The following RABGAP1L variants were observed in gnomAD, a reference collection of about 807,000 sequenced individuals.
RABGAP1L encodes RAB GTPase activating protein 1 like, also known as rab GTPase-activating protein 1-like.
RABGAP1L carries 63 observed loss-of-function variants against 137.7 expected under a neutral mutation model. The ratio of observed to expected loss-of-function variants is 0.46; its 90% CI spans 0.37 to 0.56. RABGAP1L has a LOEUF of 0.56. RABGAP1L is among the 20% of genes least tolerant of loss of function. The pLI is 0.00. For missense variants in RABGAP1L, 1,095 were observed against 1,244.0 expected, an observed-to-expected ratio of 0.88 and a Z score of 1.80; for synonymous variants, 431 against 433.7, an observed-to-expected ratio of 0.99 and a Z score of 0.08.
At chr1:174,218,045 C>T (rs1020232787) in intron 1 of RABGAP1L, among the ~76,000 whole-genome samples, 4 of 152,048 alleles carry the variant, frequency 2.6e-5, no homozygotes, top group African/African-American at 9.7e-5. Flanking sequence ...GTTCTTTAGC[C>T]CTAGCCTGCT....
At chr1:174,384,078 A>G (rs962820278) in intron 12 of RABGAP1L, among the ~76,000 whole-genome samples, 10 of 152,232 alleles carry the variant, frequency 6.6e-5, no homozygotes, top group Non-Finnish European at 1.5e-4. Flanking sequence ...TATTCATTGT[A>G]TGGAATGCTA....
intron 13 of RABGAP1L, among the ~76,000 whole-genome samples, chr1:174,628,788 C>A (rs1464303197): frequency 1.3e-5 from 2 of 151,736 alleles, no homozygotes; most frequent in Admixed American, 6.6e-5. Context: ...AGTGGCTGCC[C>A]TAAAGGAATG....
intron 13 of RABGAP1L, among the ~76,000 whole-genome samples, chr1:174,477,569 C>T (rs563569183): frequency 6.6e-6 from 1 of 152,230 alleles, no homozygotes; most frequent in South Asian, 2.1e-4. Flanking sequence ...GCATTGTTTT[C>T]AAAGTCAAGG....
chr1:174,277,302 C>T (rs1205981478), intron 9 of RABGAP1L, among the ~76,000 whole-genome samples: 1 of 151,884 alleles, frequency 6.6e-6, no homozygotes, highest in Non-Finnish European at 1.5e-5. Context: ...CTTGCAAATA[C>T]CTGTAACTTC....
At chr1:174,307,160 A>T (rs1400430832) in intron 11 of RABGAP1L, among the ~76,000 whole-genome samples, 2 of 152,172 alleles carry the variant, frequency 1.3e-5, no homozygotes, top group African/African-American at 4.8e-5. Context: ...TGCTAAGCTC[A>T]CTCAGCTTAA....
At chr1:174,314,984 T>A (rs953679713) in intron 11 of RABGAP1L, among the ~76,000 whole-genome samples, 1 of 152,194 alleles carries the variant, frequency 6.6e-6, no homozygotes, top group Non-Finnish European at 1.5e-5. Flanking sequence ...GATGAAATAT[T>A]CTGTAAATAT....
intron 19 of RABGAP1L, among the ~76,000 whole-genome samples, chr1:174,847,125 G>T (rs1694141997): frequency 6.8e-6 from 1 of 146,598 alleles, no homozygotes; most frequent in East Asian, 2.0e-4. Flanking sequence ...GTGTGTCTCT[G>T]CACGTGAGAT....
At chr1:174,179,582 A>G (rs1055087244) in intron 1 of RABGAP1L, among the ~76,000 whole-genome samples, 2 of 144,074 alleles carry the variant, frequency 1.4e-5, no homozygotes, top group Non-Finnish European at 3.0e-5. Context: ...ACACACACAC[A>G]CTTTTTAACT....
intron 10 of RABGAP1L, among the ~76,000 whole-genome samples, chr1:174,292,214 A>G (rs1195871365): frequency 6.8e-6 from 1 of 147,670 alleles, no homozygotes; most frequent in Non-Finnish European, 1.5e-5. Context: ...TTATTTTTGT[A>G]TGGATGGGGT....
chr1:174,197,491 A>T (rs1667779382), intron 1 of RABGAP1L, among the ~76,000 whole-genome samples: 1 of 152,104 alleles, frequency 6.6e-6, no homozygotes, highest in African/African-American at 2.4e-5. Context: ...AAAACCATAG[A>T]ATTTGTTTCC....
intron 19 of RABGAP1L, among the ~76,000 whole-genome samples, chr1:174,881,986 T>C (rs1573644458): frequency 6.6e-6 from 1 of 152,034 alleles, no homozygotes; most frequent in Admixed American, 6.6e-5. Context: ...CTCAGCCTCC[T>C]GAGTATCTGG....
chr1:174,951,701 G>A (rs988421816), intron 19 of RABGAP1L, among the ~76,000 whole-genome samples: 4 of 152,126 alleles, frequency 2.6e-5, no homozygotes, highest in Admixed American at 1.3e-4. Flanking sequence ...AGAAAGGTTT[G>A]TAGGCATCCT....
intron 21 of RABGAP1L, 53 bp from the exon 22 acceptor site, chr1:174,976,025 C>CTTTA: frequency 6.9e-7 from 1 of 1,453,150 alleles, no homozygotes; most frequent in Non-Finnish European, 9.4e-7. Context: ...CACACACTTT[C>CTTTA]TTTACCCTCT....
At chr1:174,162,677 T>C (rs1190300837) in intron 1 of RABGAP1L, among the ~76,000 whole-genome samples, 2 of 151,824 alleles carry the variant, frequency 1.3e-5, no homozygotes, top group Non-Finnish European at 2.9e-5. Flanking sequence ...TTTATAACTC[T>C]TGACTTATAT....
chr1:174,811,945 G>T lies in RABGAP1L; in HGVS notation c.2325G>T (p.Gln775His). The T allele has an allele frequency of 6.3e-7, 1 of 1,598,064 alleles. No individual in the cohort carries two copies. Among genetic ancestry groups the T allele is most frequent in the East Asian group, 2.2e-5 (1 of 44,450 alleles). The change falls in exon 19 of 26, where the codon CAG becomes CAT. Residue 775 changes from glutamine (Q) to histidine (H), a missense_variant. By Grantham distance (24) the Gln-to-His change is conservative (BLOSUM62 0). Around this residue, in one of 4 missense-constraint regions of RABGAP1L, gnomAD observed 312 missense variants for 435.6 expected, o/e 0.72. Coordinates refer to ENST00000681986, the MANE Select transcript of RABGAP1L (RefSeq NM_001366446.1). ...AEENARRLME[Q>H]ACNIKVPTKK... ...AAAATGCAAGAAGACTGATGGAGCA[G>T]GCTTGCAATATTAAAGTAAGAACAT...
intron 19 of RABGAP1L, among the ~76,000 whole-genome samples, chr1:174,948,247 G>GAGTATAAT (rs1667178061): frequency 3.3e-5 from 5 of 152,130 alleles, no homozygotes; most frequent in Non-Finnish European, 1.5e-5. Context: ...TGGGCTGGGT[G>GAGTATAAT]CAGTGGCTCA....
rs151246741 is a variant in RABGAP1L at position 174,161,930 on chromosome 1, A to G, written c.-34+2273A>G. On this transcript the variant is annotated intron_variant, in intron 1 of 25. Transcript: ENST00000681986. ...TTATTTTTGTAGAGTCAAGGGTCTC[A>G]CCATGTTGCTCAGGCTAGTCTCCAA... Among the ~76,000 whole-genome samples, 826 of 151,838 alleles carry G rather than the reference A, an allele frequency of 5.4e-3. 2 individuals carry two copies. Among genetic ancestry groups the G allele is most frequent in the Middle Eastern group, 0.01 (3 of 294 alleles).
intron 14 of RABGAP1L, among the ~76,000 whole-genome samples, chr1:174,649,589 C>T (rs961560543): frequency 1.3e-5 from 2 of 152,242 alleles, no homozygotes; most frequent in Middle Eastern, 3.4e-3. Flanking sequence ...TGATGTGCTT[C>T]CCTTTGTGGG....
intron 11 of RABGAP1L, among the ~76,000 whole-genome samples, chr1:174,314,730 T>G (rs1172991432): frequency 2.0e-5 from 3 of 152,216 alleles, no homozygotes; most frequent in Admixed American, 6.5e-5. Context: ...AATTTCCTTC[T>G]CAATTTCTTC....
Sources: allele counts gnomAD v4.1 joint callset (sites outside exome capture counted in the v4.1 genomes callset), GRCh38; gene constraint gnomAD v4.1.1; regional missense constraint gnomAD v4.1.1; transcripts MANE v1.5; gene names NCBI Gene and HGNC (gene_info 2026-07-23, HGNC 2026-07-21).